The following CNTN5 variants were observed in gnomAD, a reference collection of about 807,000 sequenced individuals.
CNTN5 encodes the protein contactin-5.
CNTN5 carries 77 observed loss-of-function variants against 129.1 expected under a neutral mutation model. The ratio of observed to expected loss-of-function variants is 0.60; its 90% CI spans 0.50 to 0.72. The LOEUF (loss-of-function observed/expected upper bound fraction) is 0.72, where lower values mean the gene tolerates loss of function less well. CNTN5 is among the 30% of genes least tolerant of loss of function. The pLI is 0.00. For missense variants in CNTN5, 1,478 were observed against 1,328.8 expected (o/e 1.11, Z -1.75); for synonymous variants, 509 against 465.6 (o/e 1.09, Z -1.20).
chr11:99,172,716 G>A (rs2135544587), intron 1 of CNTN5, among the ~76,000 whole-genome samples: 1 of 152,286 alleles, frequency 6.6e-6, no homozygotes, highest in African/African-American at 2.4e-5. Context: ...AATGAAAGAA[G>A]TTGACTTCTA....
At chr11:99,981,067 G>C (rs1246460979) in intron 8 of CNTN5, among the ~76,000 whole-genome samples, 2 of 64,378 alleles carry the variant, frequency 3.1e-5, no homozygotes, top group Non-Finnish European at 7.1e-5. Context: ...TAGAGAGAAA[G>C]AGCCAATAGG....
chr11:99,788,045 G>A (rs1473345997), intron 3 of CNTN5, among the ~76,000 whole-genome samples: 1 of 151,666 alleles, frequency 6.6e-6, no homozygotes, highest in Non-Finnish European at 1.5e-5. Flanking sequence ...TTGTGTTCTT[G>A]GCACCCCTCA....
At chr11:99,787,723 T>A (rs1945586087) in intron 3 of CNTN5, among the ~76,000 whole-genome samples, 2 of 152,012 alleles carry the variant, frequency 1.3e-5, no homozygotes, top group African/African-American at 4.8e-5. Flanking sequence ...TTTGTCTCTA[T>A]TAACTTTGAC....
intron 2 of CNTN5, among the ~76,000 whole-genome samples, chr11:99,411,301 G>A (rs1459587798): frequency 1.3e-5 from 2 of 152,082 alleles, no homozygotes; most frequent in African/African-American, 2.4e-5. Context: ...GCCACAGACA[G>A]ATTGCTTGAG....
chr11:99,084,076 T>C (rs1347913018), intron 1 of CNTN5, among the ~76,000 whole-genome samples: 1 of 152,220 alleles, frequency 6.6e-6, no homozygotes, highest in Non-Finnish European at 1.5e-5. Context: ...TACTGAAGTA[T>C]TGCCTTTATC....
At chr11:100,258,407 G>A (rs950693098) in intron 17 of CNTN5, among the ~76,000 whole-genome samples, 1 of 152,128 alleles carries the variant, frequency 6.6e-6, no homozygotes, top group African/African-American at 2.4e-5. Flanking sequence ...AGGAAGACAG[G>A]CCAACATTCA....
chr11:100,261,697 A>T (rs1353006655), intron 17 of CNTN5, among the ~76,000 whole-genome samples: 1 of 152,188 alleles, frequency 6.6e-6, no homozygotes, highest in Admixed American at 6.5e-5. Context: ...AGAAATGGGG[A>T]AAGGATTCCC....
At chr11:99,700,859 T>A (rs1236509685) in intron 3 of CNTN5, among the ~76,000 whole-genome samples, 1 of 151,134 alleles carries the variant, frequency 6.6e-6, no homozygotes, top group Non-Finnish European at 1.5e-5. Context: ...TTCAATAAGA[T>A]TTGCTGTAAT....
intron 16 of CNTN5, among the ~76,000 whole-genome samples, chr11:100,245,449 G>A (rs1364581575): frequency 6.6e-6 from 1 of 151,928 alleles, no homozygotes; most frequent in Non-Finnish European, 1.5e-5. Flanking sequence ...TCCTTAGCAG[G>A]GGCACATGAG....
intron 1 of CNTN5, among the ~76,000 whole-genome samples, chr11:99,038,513 A>G (rs2135126581): frequency 6.6e-6 from 1 of 152,252 alleles, no homozygotes; most frequent in East Asian, 1.9e-4. Flanking sequence ...TAACAATGCT[A>G]GAACTGATTC....
chr11:99,022,706 A>C (rs1453153373), intron 1 of CNTN5, among the ~76,000 whole-genome samples: 1 of 152,168 alleles, frequency 6.6e-6, no homozygotes, highest in East Asian at 1.9e-4. Flanking sequence ...ATCAGAGTTA[A>C]AGTTATAAAA....
chr11:99,717,425 G>A (rs567494006), intron 3 of CNTN5, among the ~76,000 whole-genome samples: 3 of 151,986 alleles, frequency 2.0e-5, no homozygotes, highest in Non-Finnish European at 4.4e-5. Flanking sequence ...TAGGAGTTAC[G>A]AGTGTGCACT....
intron 9 of CNTN5, among the ~76,000 whole-genome samples, chr11:100,060,776 A>C (rs1050488797): frequency 2.7e-5 from 4 of 150,846 alleles, no homozygotes; most frequent in East Asian, 2.0e-4. Context: ...AATAGCTGGG[A>C]TTATAGGCGC....
chr11:100,057,898 A>G (rs1342533898), intron 9 of CNTN5, among the ~76,000 whole-genome samples: 3 of 152,064 alleles, frequency 2.0e-5, no homozygotes, highest in East Asian at 3.8e-4. Flanking sequence ...GGCTGTTTAA[A>G]TCTTTCAAGA....
chr11:99,819,751 C>CCAACTGAGGAACCAGG lies in CNTN5; in HGVS notation c.264_265insAACTGAGGAACCAGGC (p.Phe89AsnfsTer2), dbSNP rs765281692. 104 of 1,575,224 alleles carry CCAACTGAGGAACCAGG rather than the reference C, an allele frequency of 6.6e-5. No individual in the cohort carries two copies. The highest frequency in any genetic ancestry group is 1.5e-4 in the Admixed American group (8 of 53,798). ...ATCAATCTTTATCATTCCTCAGATG[C>CCAACTGAGGAACCAGG]CTTCAAACAAGATGGTAAGTGTCAA... On this transcript the variant is annotated stop_gained and frameshift_variant, in exon 4 of 25. Coordinates refer to ENST00000524871, the MANE Select transcript of CNTN5 (RefSeq NM_014361.4). LOFTEE classifies it high-confidence loss of function.
chr11:100,114,060 AC>A (rs377003503), intron 13 of CNTN5, among the ~76,000 whole-genome samples: 55 of 152,216 alleles, frequency 3.6e-4, no homozygotes, highest in Non-Finnish European at 6.5e-4. Context: ...ATCTTATTCT[AC>A]CACTAAGTGG....
At chr11:100,048,612 CAGA>C (rs1942807252) in intron 9 of CNTN5, among the ~76,000 whole-genome samples, 1 of 151,474 alleles carries the variant, frequency 6.6e-6, no homozygotes, top group Non-Finnish European at 1.5e-5. Context: ...TTAGACACTG[CAGA>C]AGAAAAGATC....
chr11:99,765,439 A>G (rs1237777792), intron 3 of CNTN5, among the ~76,000 whole-genome samples: 1 of 151,842 alleles, frequency 6.6e-6, no homozygotes, highest in African/African-American at 2.4e-5. Flanking sequence ...AGTAGGGATC[A>G]TAAGACACAA....
intron 2 of CNTN5, among the ~76,000 whole-genome samples, chr11:99,354,757 T>C (rs1489541001): frequency 6.6e-6 from 1 of 152,128 alleles, no homozygotes; most frequent in East Asian, 1.9e-4. Flanking sequence ...CCTGGTCTAG[T>C]CATCTTGAAG....
Sources: allele counts gnomAD v4.1 joint callset (sites outside exome capture counted in the v4.1 genomes callset), GRCh38; gene constraint gnomAD v4.1.1; transcripts MANE v1.5; gene names NCBI Gene and HGNC (gene_info 2026-07-23, HGNC 2026-07-21).